The following RBFOX1 variants were observed in gnomAD, a reference collection of about 807,000 sequenced individuals.
RBFOX1 encodes the protein RNA binding protein fox-1 homolog 1.
In RBFOX1, 8 loss-of-function variants were observed where a neutral mutation model predicts 57.7. That is an observed-to-expected ratio of 0.14 (90% confidence interval 0.08 to 0.25). The LOEUF is 0.25. RBFOX1 is among the 10% of genes least tolerant of loss of function. The probability of loss-of-function intolerance (pLI) is 1.00; values close to 1 mark genes in which losing one functional copy is unlikely to be tolerated. For missense variants in RBFOX1, 611 were observed against 548.5 expected, an observed-to-expected ratio of 1.11 and a Z score of -1.14; for synonymous variants, 326 against 222.4, an observed-to-expected ratio of 1.47 and a Z score of -4.15.
chr16:6,643,558 C>G (rs1051952359), intron 2 of RBFOX1, among the ~76,000 whole-genome samples: 28 of 152,072 alleles, frequency 1.8e-4, no homozygotes, highest in Admixed American at 1.2e-3. Context: ...AGCCAGAACA[C>G]CCTCGTTATC....
intron 1 of RBFOX1, among the ~76,000 whole-genome samples, chr16:5,437,132 G>T (rs1179583533): frequency 6.6e-6 from 1 of 152,132 alleles, no homozygotes; most frequent in Non-Finnish European, 1.5e-5. Context: ...ATTGTAGTAA[G>T]AAAATGCATT....
chr16:7,217,009 T>TTCCCTCCCTCCA (rs2092168419), intron 4 of RBFOX1, among the ~76,000 whole-genome samples: 1 of 16,822 alleles, frequency 5.9e-5, no homozygotes, highest in African/African-American at 2.5e-4. Flanking sequence ...CCTCCCTCCC[T>TTCCCTCCCTCCA]TCCCTCCCTC....
At chr16:7,021,082 C>G (rs533599335) in intron 3 of RBFOX1, among the ~76,000 whole-genome samples, 1 of 152,060 alleles carries the variant, frequency 6.6e-6, no homozygotes, top group African/African-American at 2.4e-5. Flanking sequence ...GAGCCCAGGT[C>G]GTGCTACTGC....
intron 1 of RBFOX1, among the ~76,000 whole-genome samples, chr16:5,359,300 T>C (rs965998700): frequency 6.6e-6 from 1 of 152,242 alleles, no homozygotes; most frequent in African/African-American, 2.4e-5. Flanking sequence ...CTCCTTGATA[T>C]ACTGGTCTCC....
chr16:7,518,479 A>G (rs1488307411), intron 5 of RBFOX1, 90 bp downstream of exon 5: 2 of 1,498,632 alleles, frequency 1.3e-6, no homozygotes, highest in African/African-American at 2.8e-5. Context: ...CCATCTACCC[A>G]GGGACTCTGG....
At chr16:5,326,007 G>A (rs1415213169) in intron 1 of RBFOX1, among the ~76,000 whole-genome samples, 1 of 152,152 alleles carries the variant, frequency 6.6e-6, no homozygotes, top group Non-Finnish European at 1.5e-5. Context: ...AAACAGCTTG[G>A]CATTATATAA....
intron 4 of RBFOX1, among the ~76,000 whole-genome samples, chr16:5,883,109 A>G (rs1039440873): frequency 1.1e-4 from 17 of 152,314 alleles, no homozygotes; most frequent in African/African-American, 4.1e-4. Flanking sequence ...TGAATCATGT[A>G]TCATACAGTA....
intron 3 of RBFOX1, among the ~76,000 whole-genome samples, chr16:6,862,133 A>G (rs1223323419): frequency 6.6e-6 from 1 of 152,190 alleles, no homozygotes; most frequent in African/African-American, 2.4e-5. Flanking sequence ...AGCAACAATA[A>G]CAACAAAAGA....
intron 3 of RBFOX1, among the ~76,000 whole-genome samples, chr16:5,688,349 G>C (rs991072009): frequency 2.0e-5 from 3 of 152,212 alleles, no homozygotes; most frequent in Admixed American, 6.5e-5. Context: ...ATATCAGTGA[G>C]AGCCATTTTG....
chr16:7,257,613 C>G (rs542008144), intron 4 of RBFOX1, among the ~76,000 whole-genome samples: 5 of 152,164 alleles, frequency 3.3e-5, no homozygotes, highest in Non-Finnish European at 5.9e-5. Context: ...AGCCCCTTCC[C>G]GAGAACTGCT....
chr16:6,929,088 C>G (rs541852882), intron 3 of RBFOX1, among the ~76,000 whole-genome samples: 9 of 152,138 alleles, frequency 5.9e-5, no homozygotes, highest in Admixed American at 3.9e-4. Flanking sequence ...ACTCCCCAGT[C>G]TAGTGTTTAA....
At chr16:7,207,159 C>A (rs745492154) in intron 4 of RBFOX1, among the ~76,000 whole-genome samples, 1 of 152,164 alleles carries the variant, frequency 6.6e-6, no homozygotes, top group Non-Finnish European at 1.5e-5. Context: ...AAGAGGTGTA[C>A]GCTGTATTTT....
At chr16:6,027,807 G>A (rs2095224433) in intron 1 of RBFOX1, among the ~76,000 whole-genome samples, 1 of 152,166 alleles carries the variant, frequency 6.6e-6, no homozygotes, top group African/African-American at 2.4e-5. Flanking sequence ...GACTGTAACT[G>A]AGGTGACAAA....
chr16:5,529,945 C>T (rs925895819), intron 2 of RBFOX1, among the ~76,000 whole-genome samples: 2 of 152,138 alleles, frequency 1.3e-5, no homozygotes, highest in Admixed American at 6.5e-5. Flanking sequence ...TGCCACAACT[C>T]GAGGAACACC....
intron 3 of RBFOX1, among the ~76,000 whole-genome samples, chr16:6,962,776 G>C (rs546147684): frequency 8.5e-5 from 13 of 152,236 alleles, no homozygotes; most frequent in Admixed American, 7.2e-4. Context: ...GAGGTGAAAA[G>C]ATCACTTGAG....
intron 2 of RBFOX1, chr16:6,483,802 G>C: frequency 7.3e-7 from 1 of 1,371,950 alleles, no homozygotes; most frequent in Non-Finnish European, 9.4e-7. Context: ...GGCGGCGTGT[G>C]CGCCTCCGGG....
chr16:5,310,705 T>G (rs889002933), intron 1 of RBFOX1, among the ~76,000 whole-genome samples: 1 of 152,250 alleles, frequency 6.6e-6, no homozygotes, highest in Non-Finnish European at 1.5e-5. Flanking sequence ...AGGGTCTTGC[T>G]AGACCTGAGA....
chr16:7,137,014 G>C (rs919172479), intron 4 of RBFOX1, among the ~76,000 whole-genome samples: 2 of 152,174 alleles, frequency 1.3e-5, no homozygotes, highest in Non-Finnish European at 2.9e-5. Flanking sequence ...TCAGTCTTTT[G>C]TTTGCCAACT....
chr16:7,029,626 C>G (rs747732214), intron 3 of RBFOX1, among the ~76,000 whole-genome samples: 1 of 152,074 alleles, frequency 6.6e-6, no homozygotes, highest in East Asian at 1.9e-4. Context: ...TGGCAAAAAG[C>G]AGAAGGGTAT....
Sources: gnomAD v4.1 joint callset for allele counts (sites outside exome capture counted in the v4.1 genomes callset) on GRCh38, gnomAD v4.1.1 for gene constraint, MANE v1.5 for transcripts, NCBI Gene and HGNC (gene_info 2026-07-23, HGNC 2026-07-21) for gene names.